The following SYT1 variants were observed in gnomAD, a reference collection of about 807,000 sequenced individuals.
SYT1 encodes the protein synaptotagmin 1, also known as synaptotagmin-1.
In SYT1, 8 loss-of-function variants were observed where a neutral mutation model predicts 44.8. The observed-to-expected ratio is 0.18, with a 90% confidence interval of 0.10 to 0.32. The LOEUF (loss-of-function observed/expected upper bound fraction) is 0.32. SYT1 is among the 10% of genes least tolerant of loss of function. The probability of loss-of-function intolerance (pLI) is 1.00; values close to 1 mark genes in which losing one functional copy is unlikely to be tolerated. For synonymous variants in SYT1, 154 were observed against 188.8 expected (o/e 0.82, Z 1.51); for missense variants, 286 against 509.3 (o/e 0.56, Z 4.22).
chr12:79,291,364 G>T (rs1455498889), intron 5 of SYT1, among the ~76,000 whole-genome samples: 4 of 152,238 alleles, frequency 2.6e-5, no homozygotes, highest in African/African-American at 9.6e-5. Flanking sequence ...CCTAGCTTTT[G>T]GTGGAGCTGT....
intron 2 of SYT1, among the ~76,000 whole-genome samples, chr12:79,026,325 C>T (rs896312252): frequency 1.3e-5 from 2 of 151,296 alleles, no homozygotes; most frequent in Non-Finnish European, 1.5e-5. Context: ...AGTGCATGTC[C>T]TAGTTATAGA....
At chr12:79,258,936 C>T (rs1387160974) in intron 4 of SYT1, among the ~76,000 whole-genome samples, 1 of 152,064 alleles carries the variant, frequency 6.6e-6, no homozygotes, top group Non-Finnish European at 1.5e-5. Flanking sequence ...GATGACAACT[C>T]TAAATGTTTG....
intron 5 of SYT1, chr12:79,291,726 G>C (rs559495297): frequency 1.9e-6 from 1 of 516,712 alleles, no homozygotes; most frequent in South Asian, 1.5e-5. Context: ...ACAACACCAA[G>C]TTGACACTTT....
At chr12:79,223,332 A>G (rs1453632817) in intron 4 of SYT1, among the ~76,000 whole-genome samples, 1 of 152,228 alleles carries the variant, frequency 6.6e-6, no homozygotes. Flanking sequence ...CCAGCATGGC[A>G]TCGCCAGAGC....
chr12:79,224,683 T>C (rs1176785683), intron 4 of SYT1, among the ~76,000 whole-genome samples: 1 of 151,844 alleles, frequency 6.6e-6, no homozygotes, highest in East Asian at 1.9e-4. Flanking sequence ...AATGCCTTTT[T>C]GAGCAGAGGT....
intron 2 of SYT1, among the ~76,000 whole-genome samples, chr12:79,008,820 T>C (rs1871248069): frequency 6.6e-6 from 1 of 152,122 alleles, no homozygotes; most frequent in South Asian, 2.1e-4. Flanking sequence ...AGTGCCCCCA[T>C]GTCTTTTCTC....
chr12:78,898,937 C>G (rs2137091736), intron 1 of SYT1, among the ~76,000 whole-genome samples: 1 of 152,120 alleles, frequency 6.6e-6, no homozygotes, highest in South Asian at 2.1e-4. Context: ...GATTGCAAAT[C>G]CAGTAAAGAT....
At chr12:79,204,158 G>T (rs1873957781) in intron 3 of SYT1, among the ~76,000 whole-genome samples, 1 of 152,186 alleles carries the variant, frequency 6.6e-6, no homozygotes, top group African/African-American at 2.4e-5. Flanking sequence ...GGTTTATTTT[G>T]TGAGCATTAT....
chr12:78,886,526 A>T (rs574529688), intron 1 of SYT1, among the ~76,000 whole-genome samples: 3 of 152,002 alleles, frequency 2.0e-5, no homozygotes, highest in Non-Finnish European at 4.4e-5. Flanking sequence ...TTATAGACAA[A>T]TACATAGCAA....
intron 3 of SYT1, among the ~76,000 whole-genome samples, chr12:79,202,350 A>C (rs891064141): frequency 6.6e-6 from 1 of 152,188 alleles, no homozygotes; most frequent in African/African-American, 2.4e-5. Context: ...ACTCAATGGT[A>C]TTTTATAGGA....
chr12:79,195,110 G>A (rs1873372822), intron 3 of SYT1, among the ~76,000 whole-genome samples: 2 of 152,200 alleles, frequency 1.3e-5, no homozygotes, highest in African/African-American at 4.8e-5. Flanking sequence ...GGCCATGGCA[G>A]ACTGTATAAT....
chr12:79,219,580 A>C (rs1319857955), intron 4 of SYT1, among the ~76,000 whole-genome samples: 4 of 152,108 alleles, frequency 2.6e-5, no homozygotes, highest in Non-Finnish European at 5.9e-5. Flanking sequence ...CAGTTTTCCC[A>C]ACACCATTTA....
rs560364126 is a variant in SYT1 at position 79,430,330 on chromosome 12, G to A, written c.929-13743G>A. On this transcript the variant is annotated intron_variant, in intron 9 of 10. Coordinates refer to ENST00000261205, the MANE Select transcript of SYT1 (RefSeq NM_005639.3). ...AGTCATTTGGCAAGAAAACACACAC[G>A]GTCTTAGGCTATCTTTCCTACTACA... is the stretch of plus-strand genomic sequence containing the variant. Among the ~76,000 whole-genome samples, 13 of 152,206 alleles carry A rather than the reference G, an allele frequency of 8.5e-5. 1 individual carries two copies. In the South Asian group the frequency reaches 2.5e-3, roughly 29 times the overall value.
At chr12:79,262,111 T>A (rs904985447) in intron 4 of SYT1, among the ~76,000 whole-genome samples, 2 of 152,252 alleles carry the variant, frequency 1.3e-5, no homozygotes, top group Non-Finnish European at 2.9e-5. Flanking sequence ...ACAGTCATTA[T>A]GTTTCAGCCA....
chr12:79,404,709 G>T (rs1885184147), intron 9 of SYT1, among the ~76,000 whole-genome samples: 1 of 152,182 alleles, frequency 6.6e-6, no homozygotes. Flanking sequence ...ATTGCATAAT[G>T]CAACGAGAGC....
intron 2 of SYT1, among the ~76,000 whole-genome samples, chr12:79,008,592 G>A (rs1231661803): frequency 6.6e-6 from 1 of 152,138 alleles, no homozygotes; most frequent in Non-Finnish European, 1.5e-5. Flanking sequence ...AGAACGATAT[G>A]AAGTAGTTAG....
At chr12:78,884,863 A>G (rs959595406) in intron 1 of SYT1, among the ~76,000 whole-genome samples, 2 of 152,052 alleles carry the variant, frequency 1.3e-5, no homozygotes, top group East Asian at 3.9e-4. Context: ...TGTTTATAAA[A>G]TTTGGCAAAT....
At chr12:79,219,791 G>A (rs1249265600) in intron 4 of SYT1, among the ~76,000 whole-genome samples, 1 of 152,004 alleles carries the variant, frequency 6.6e-6, no homozygotes, top group Non-Finnish European at 1.5e-5. Flanking sequence ...TCGAAGTCAG[G>A]TAGTGTGTTA....
chr12:79,235,222 A>G (rs1876117403), intron 4 of SYT1, among the ~76,000 whole-genome samples: 1 of 152,164 alleles, frequency 6.6e-6, no homozygotes, highest in Non-Finnish European at 1.5e-5. Context: ...TCCACAGGTG[A>G]TATATGAGAG....
Sources: gnomAD v4.1 joint callset for allele counts (sites outside exome capture counted in the v4.1 genomes callset) on GRCh38, gnomAD v4.1.1 for gene constraint, MANE v1.5 for transcripts, NCBI Gene and HGNC (gene_info 2026-07-23, HGNC 2026-07-21) for gene names.